Variants in ZDHHC2 observed in about 807,000 individuals in gnomAD.
ZDHHC2 encodes the protein palmitoyltransferase ZDHHC2.
ZDHHC2 carries 51 observed loss-of-function variants against 55.6 expected under a neutral mutation model. The ratio of observed to expected loss-of-function variants is 0.92; its 90% CI spans 0.73 to 1.16. The LOEUF is 1.16. ZDHHC2 is among the 50% of genes most tolerant of loss of function. The probability of loss-of-function intolerance (pLI) is 0.00; values close to 1 mark genes in which losing one functional copy is unlikely to be tolerated. For missense variants in ZDHHC2, 491 were observed against 442.4 expected (o/e 1.11, Z -0.99); for synonymous variants, 199 against 152.9 (o/e 1.30, Z -2.22).
At chr8:17,213,566 T>A (rs1807492454) in intron 10 of ZDHHC2, among the ~76,000 whole-genome samples, 1 of 152,146 alleles carries the variant, frequency 6.6e-6, no homozygotes, top group South Asian at 2.1e-4. Flanking sequence ...TTTTTTTGAT[T>A]GTTATAGCTC....
At chr8:17,169,031 T>C (rs1209923438) in intron 1 of ZDHHC2, among the ~76,000 whole-genome samples, 3 of 152,216 alleles carry the variant, frequency 2.0e-5, no homozygotes, top group East Asian at 1.9e-4. Flanking sequence ...TTAAATTCTT[T>C]TGGTAGATAC....
intron 6 of ZDHHC2, among the ~76,000 whole-genome samples, chr8:17,199,924 A>C (rs1021289202): frequency 3.3e-5 from 5 of 151,728 alleles, no homozygotes; most frequent in African/African-American, 9.7e-5. Flanking sequence ...TCACCTGGCT[A>C]ATTTTTGTAC....
At chr8:17,209,707 A>G (rs1211131325) in intron 8 of ZDHHC2, among the ~76,000 whole-genome samples, 1 of 152,202 alleles carries the variant, frequency 6.6e-6, no homozygotes, top group Non-Finnish European at 1.5e-5. Flanking sequence ...ATGTACTATT[A>G]TAATAAAAAG....
At chr8:17,189,265 T>C (rs1805898957) in intron 3 of ZDHHC2, among the ~76,000 whole-genome samples, 1 of 152,058 alleles carries the variant, frequency 6.6e-6, no homozygotes, top group Non-Finnish European at 1.5e-5. Context: ...AGGCTGTCTG[T>C]GATGACTCAA....
In ZDHHC2 at chr8:17,209,948, A is replaced by C; in HGVS notation, c.747A>C (p.Pro249=). 1.2e-6 allele frequency: 2 copies of C among 1,609,770 alleles called. No individual in the cohort carries two copies. ...NKSTLEAFRS[P]VFRHGTDKNG... is the part of the protein sequence containing the mutation. ...TTTTTTTAGAGGCATTCAGAAGTCC[A>C]GTATTTCGACATGGAACAGATAAGA... is the stretch of plus-strand genomic sequence containing the variant. The change falls in exon 9 of 13, where the codon CCA becomes CCC. Residue 249 remains proline, a synonymous_variant. Transcript: ENST00000262096.
rs1465101853 is a variant in ZDHHC2, at chr8:17,210,075, AT to A, written c.857+21del. ...TTTTTCAAGGTACTTCTTTGTTAAA[AT>A]TTTCAGGCTTTAAACTAATGAAAAT... is the stretch of plus-strand genomic sequence containing the variant. On this transcript the variant is annotated intron_variant, in intron 9 of 12. Transcript: ENST00000262096. 6 of 1,578,764 alleles carry A rather than the reference AT, an allele frequency of 3.8e-6. No individual in the cohort carries two copies. Among genetic ancestry groups the A allele is most frequent in the Non-Finnish European group, 5.2e-6 (6 of 1,161,326 alleles).
chr8:17,160,085 C>T lies in ZDHHC2; in HGVS notation c.130+3232C>T, dbSNP rs150710152. Reference sequence around the variant, plus strand: ...CATGCTCCATTCAGCGAGCACACGACGTGGTTTATGTTTTACAGATCCCTT... The same window carrying T: ...CATGCTCCATTCAGCGAGCACACGATGTGGTTTATGTTTTACAGATCCCTT... On this transcript the variant is annotated intron_variant, in intron 1 of 12. Transcript: ENST00000262096. Among the ~76,000 whole-genome samples the T allele has an allele frequency of 8.8e-4, 134 of 152,324 alleles. No homozygotes were observed. The Middle Eastern group carries it at 0.01, about 12-fold the overall frequency.
At chr8:17,177,770 G>A (rs573415605) in intron 1 of ZDHHC2, among the ~76,000 whole-genome samples, 1 of 151,970 alleles carries the variant, frequency 6.6e-6, no homozygotes, top group African/African-American at 2.4e-5. Flanking sequence ...GTGTGTGTGT[G>A]TGTGTTTGTG....
At chr8:17,208,402 G>T (rs1585732574) in intron 8 of ZDHHC2, among the ~76,000 whole-genome samples, 1 of 151,492 alleles carries the variant, frequency 6.6e-6, no homozygotes, top group Non-Finnish European at 1.5e-5. Context: ...CTAATGAGGG[G>T]CACTAGGAAT....
intron 6 of ZDHHC2, among the ~76,000 whole-genome samples, chr8:17,204,008 A>G (rs1357086005): frequency 6.6e-6 from 1 of 151,754 alleles, no homozygotes; most frequent in African/African-American, 2.4e-5. Context: ...GGGTTTCACC[A>G]TGTTGGCCAG....
chr8:17,213,773 C>A (rs191071077), intron 10 of ZDHHC2, among the ~76,000 whole-genome samples: 1 of 152,194 alleles, frequency 6.6e-6, no homozygotes, highest in African/African-American at 2.4e-5. Context: ...GTCCCTAAAC[C>A]AGGATCCCAG....
In ZDHHC2 at chr8:17,210,023, T is replaced by C; in HGVS notation, c.822T>C (p.Asp274=). The C allele has an allele frequency of 6.2e-7, 1 of 1,607,988 alleles. No homozygotes were observed. The highest frequency in any genetic ancestry group is 8.5e-7 in the Non-Finnish European group (1 of 1,176,622). ...AAAACATGCGACAAGTTTTTGGTGA[T>C]GAGAAGAAGTACTGGTTGCTACCCA... ...FSKNMRQVFG[D]EKKYWLLPIF... The change falls in exon 9 of 13, where the codon GAT becomes GAC. Residue 274 remains aspartate, a synonymous_variant. Transcript: ENST00000262096.
chr8:17,185,420 G>A (rs940006759), intron 2 of ZDHHC2, among the ~76,000 whole-genome samples: 1 of 152,066 alleles, frequency 6.6e-6, no homozygotes, highest in East Asian at 1.9e-4. Context: ...ACCTTGGGAG[G>A]CCAAAGCGGG....
intron 1 of ZDHHC2, among the ~76,000 whole-genome samples, chr8:17,175,443 G>A (rs563036681): frequency 6.6e-5 from 10 of 152,188 alleles, no homozygotes; most frequent in South Asian, 2.1e-4. Flanking sequence ...AAATTTTAGC[G>A]TTACTACATG....
chr8:17,224,156 G>T lies in ZDHHC2; in HGVS notation c.*3935G>T, dbSNP rs1052677770. 5.9e-5 allele frequency: 9 copies of T among 151,700 alleles called. No individual in the cohort carries two copies. In the South Asian group the frequency reaches 8.3e-4, roughly 14 times the overall value. The allele number at this position is 151,700 out of a possible 1,614,324, so 9.4% of individuals were successfully genotyped here. A position where few individuals can be genotyped will look rare whatever the true frequency, so the allele number is the denominator to read the frequency against. On this transcript the variant is annotated 3_prime_UTR_variant, in exon 13 of 13. Transcript: ENST00000262096. ...AGAATTGTTCTTATACCAGCAAAAAGTTCAAATACAATAACCTGGGCAATG... is the reference window on the plus strand; with the variant it reads ...AGAATTGTTCTTATACCAGCAAAAATTTCAAATACAATAACCTGGGCAATG...
At chr8:17,216,515 A>G (rs1807657725) in intron 11 of ZDHHC2, among the ~76,000 whole-genome samples, 1 of 152,190 alleles carries the variant, frequency 6.6e-6, no homozygotes. Flanking sequence ...AAAGTTGATG[A>G]CACTGATTTG....
intron 4 of ZDHHC2, among the ~76,000 whole-genome samples, chr8:17,196,664 A>T (rs1056200976): frequency 6.6e-6 from 1 of 151,608 alleles, no homozygotes; most frequent in Non-Finnish European, 1.5e-5. Context: ...GCACTTTGGG[A>T]GGCCGAGGCA....
intron 3 of ZDHHC2, among the ~76,000 whole-genome samples, chr8:17,186,801 A>G (rs1159348955): frequency 1.3e-5 from 2 of 152,212 alleles, no homozygotes; most frequent in African/African-American, 2.4e-5. Flanking sequence ...AACAACAACA[A>G]CAAAATAATG....
chr8:17,191,233 T>A (rs1345225286), intron 3 of ZDHHC2, among the ~76,000 whole-genome samples: 1 of 152,026 alleles, frequency 6.6e-6, no homozygotes, highest in Non-Finnish European at 1.5e-5. Context: ...CTGCTGGGAT[T>A]ACAGGCATGA....
Sources: allele counts gnomAD v4.1 joint callset (sites outside exome capture counted in the v4.1 genomes callset), GRCh38; gene constraint gnomAD v4.1.1; transcripts MANE v1.5; gene names NCBI Gene and HGNC (gene_info 2026-07-23, HGNC 2026-07-21).